FAM149A: variants seen among roughly 807,000 people sequenced by gnomAD.
The protein encoded by FAM149A is family with sequence similarity 149 member A.
FAM149A carries 71 observed loss-of-function variants against 78.2 expected under a neutral mutation model. The observed-to-expected ratio is 0.91, with a 90% CI of 0.75 to 1.11. The LOEUF (loss-of-function observed/expected upper bound fraction) is 1.11, where lower values mean the gene tolerates loss of function less well. Among genes scored for constraint, FAM149A ranks in the 50% least tolerant of loss-of-function variants. The pLI, the probability that FAM149A is intolerant of heterozygous loss-of-function variation, is 0.00. For synonymous variants in FAM149A, 446 were observed against 410.5 expected (o/e 1.09, Z -1.04); for missense variants, 1,036 against 971.0 (o/e 1.07, Z -0.89).
At chr4:186,146,423 G>A in intron 1 of FAM149A, 2 of 983,808 alleles carry the variant, frequency 2.0e-6, no homozygotes, top group Non-Finnish European at 2.4e-6. Context: ...CTGCGTCCAA[G>A]ACAGTGGGAA....
intron 1 of FAM149A, among the ~76,000 whole-genome samples, chr4:186,121,687 T>C (rs953666126): frequency 6.6e-6 from 1 of 152,172 alleles, no homozygotes; most frequent in African/African-American, 2.4e-5. Flanking sequence ...GCTGCACACG[T>C]TGACCCCACC....
chr4:186,128,888 GTA>G (rs1335118309), intron 1 of FAM149A, among the ~76,000 whole-genome samples: 2 of 152,012 alleles, frequency 1.3e-5, no homozygotes, highest in South Asian at 2.1e-4. Flanking sequence ...GTATGGGTGT[GTA>G]TGTGTGTGTG....
At chr4:186,166,475 C>T (rs1735032387) in intron 11 of FAM149A, among the ~76,000 whole-genome samples, 1 of 151,950 alleles carries the variant, frequency 6.6e-6, no homozygotes, top group Non-Finnish European at 1.5e-5. Context: ...ATAGTGAAAC[C>T]TCATCTCTAC....
At chr4:186,133,868 G>C (rs1316991929) in intron 1 of FAM149A, among the ~76,000 whole-genome samples, 1 of 152,158 alleles carries the variant, frequency 6.6e-6, no homozygotes, top group East Asian at 1.9e-4. Context: ...TATTGCCCAA[G>C]GTGGTCTCGA....
At chr4:186,142,548 A>G (rs558484585) in intron 1 of FAM149A, among the ~76,000 whole-genome samples, 1 of 152,238 alleles carries the variant, frequency 6.6e-6, no homozygotes, top group East Asian at 1.9e-4. Context: ...TATGGAGTAC[A>G]GTGGAGGTGA....
intron 1 of FAM149A, among the ~76,000 whole-genome samples, chr4:186,119,542 T>C (rs1054108584): frequency 6.6e-6 from 1 of 152,228 alleles, no homozygotes; most frequent in African/African-American, 2.4e-5. Flanking sequence ...TTGAACTAAA[T>C]AAAATGTTCT....
In FAM149A at chr4:186,164,852, C is replaced by A. The variant is rs1468920097; in HGVS notation, c.1890-492C>A. ...TTTTTCAGCTTTCTTTTTATTATTG[C>A]CACCCTGAGGAGCCCTTTTCGACCA... is the stretch of plus-strand genomic sequence containing the variant. On this transcript the variant is annotated intron_variant, in intron 10 of 13. Transcript: ENST00000389354. This position sits in a 1 kb window ranked among gnomAD's most constrained non-coding sequence, Gnocchi z 4.0. 2.0e-5 allele frequency among the ~76,000 whole-genome samples: 3 copies of A among 152,100 alleles called. No individual in the cohort carries two copies. The highest frequency in any genetic ancestry group is 2.9e-5 in the Non-Finnish European group (2 of 68,028).
At chr4:186,119,850 C>G (rs752506888) in intron 1 of FAM149A, among the ~76,000 whole-genome samples, 7 of 152,132 alleles carry the variant, frequency 4.6e-5, no homozygotes, top group Non-Finnish European at 8.8e-5. Flanking sequence ...TGTAGAGATG[C>G]AGGACTCTTC....
chr4:186,155,294 A>T (rs1355406337), intron 6 of FAM149A, among the ~76,000 whole-genome samples: 1 of 152,212 alleles, frequency 6.6e-6, no homozygotes, highest in Non-Finnish European at 1.5e-5. Context: ...CAAAAACTAC[A>T]ACTATTACAT....
chr4:186,150,820 C>CA (rs1188561204), intron 3 of FAM149A: 1 of 152,246 alleles, frequency 6.6e-6, no homozygotes, highest in African/African-American at 2.4e-5. Flanking sequence ...CTACCAGGTT[C>CA]AAGCAATACT....
chr4:186,116,318 G>T (rs571056657), intron 1 of FAM149A: 197 of 279,698 alleles, frequency 7.0e-4, no homozygotes, highest in Non-Finnish European at 1.0e-3. Flanking sequence ...AGATGCACCC[G>T]GTACCTCAGA....
chr4:186,121,313 A>G (rs1248358516), intron 1 of FAM149A, among the ~76,000 whole-genome samples: 2 of 152,194 alleles, frequency 1.3e-5, no homozygotes, highest in Admixed American at 6.5e-5. Flanking sequence ...AAGAAGCCTT[A>G]TAATTAAATA....
chr4:186,150,937 G>A (rs1228949410), intron 3 of FAM149A: 1 of 586,838 alleles, frequency 1.7e-6, no homozygotes, highest in African/African-American at 2.0e-5. Context: ...GGCCAGGCTG[G>A]TTTCGAACTC....
chr4:186,160,113 G>A (rs1237706506), intron 8 of FAM149A, among the ~76,000 whole-genome samples: 12 of 92,134 alleles, frequency 1.3e-4, no homozygotes, highest in Admixed American at 3.8e-4. Flanking sequence ...CACACACCAC[G>A]CACACACACC....
At chr4:186,116,394 C>T (rs1198063781) in intron 1 of FAM149A, 2 of 897,466 alleles carry the variant, frequency 2.2e-6, no homozygotes, top group Non-Finnish European at 2.7e-6. Context: ...GGAGCTGTTC[C>T]TATTTGGCCA....
Position 186,153,533 on chromosome 4 carries a change from C to G in FAM149A, c.933-112C>G, listed in dbSNP as rs559381711. On this transcript the variant is annotated intron_variant, in intron 4 of 13. Transcript: ENST00000389354. ...GCGTGATGCTTCCCACGTTCCCATA[C>G]ACATCTTATCATACACATGCCTTCA... 2.0e-6 allele frequency: 3 copies of G among 1,496,160 alleles called. 1 individual carries two copies. Among genetic ancestry groups the G allele is most frequent in the Non-Finnish European group, 2.7e-6 (3 of 1,106,068 alleles). The allele number at this position is 1,496,160 out of a possible 1,614,324, so 92.7% of individuals were successfully genotyped here.
At position 186,110,805 on chromosome 4, in the gene FAM149A, T is replaced by C. The variant is rs1444750445; in HGVS notation, c.566+5163T>C. Among the ~76,000 whole-genome samples, 8 of 150,138 alleles carry C rather than the reference T, an allele frequency of 5.3e-5. No individual in the cohort carries two copies. In the East Asian group the frequency reaches 1.4e-3, roughly 26 times the overall value. On this transcript the variant is annotated intron_variant, in intron 1 of 13. Transcript: ENST00000389354. ...AATCCAGTCTATCATTGTTGGACAT[T>C]TGGGTTGGTTCCAAGTCTTTGCTAT...
chr4:186,129,143 C>G (rs552740121), intron 1 of FAM149A, among the ~76,000 whole-genome samples: 45 of 107,044 alleles, frequency 4.2e-4, no homozygotes, highest in Middle Eastern at 9.8e-3. Context: ...CTCTGTGTGT[C>G]TGTGTGTGTC....
At chr4:186,168,898 A>G (rs1460776289) in intron 13 of FAM149A, among the ~76,000 whole-genome samples, 1 of 152,122 alleles carries the variant, frequency 6.6e-6, no homozygotes, top group Admixed American at 6.5e-5. Context: ...AGATGGCTGG[A>G]GGGTGCCGAG....
Sources: allele counts gnomAD v4.1 joint callset (sites outside exome capture counted in the v4.1 genomes callset), GRCh38; gene constraint gnomAD v4.1.1; non-coding constraint Gnocchi (gnomAD v3.1); transcripts MANE v1.5; gene names NCBI Gene and HGNC (gene_info 2026-07-23, HGNC 2026-07-21).